Variants in PLPPR1 observed in about 807,000 individuals in gnomAD.
The protein encoded by PLPPR1 is phospholipid phosphatase related 1.
Under a neutral mutation model 33.1 loss-of-function variants are expected in PLPPR1, and 10 were observed. That is an observed-to-expected ratio of 0.30 (90% CI 0.19 to 0.51). PLPPR1 has a LOEUF of 0.51. PLPPR1 is among the 20% of genes least tolerant of loss of function. The pLI is 0.97. For missense variants in PLPPR1, 304 were observed against 408.1 expected, an observed-to-expected ratio of 0.74 and a Z score of 2.20; for synonymous variants, 151 against 151.0, an observed-to-expected ratio of 1.00 and a Z score of 0.00.
rs542240519 is a variant in PLPPR1 at position 101,207,479 on chromosome 9, T to C, written c.63+21922T>C. Among the ~76,000 whole-genome samples the C allele has an allele frequency of 5.9e-5, 9 of 152,270 alleles. No individual in the cohort carries two copies. The South Asian group carries it at 1.7e-3, about 28-fold the overall frequency. On this transcript the variant is annotated intron_variant, in intron 2 of 7. Coordinates refer to ENST00000374874, the MANE Select transcript of PLPPR1 (RefSeq NM_207299.2). ...GCTCTGAACAATTGGGTATTCTTTT[T>C]TCTTAGAGCCCAGATGCATTTTTTT...
At position 101,176,008 on chromosome 9, in the gene PLPPR1, G is replaced by A. The variant is rs563176679; in HGVS notation, c.-45-9442G>A. Among the ~76,000 whole-genome samples the A allele has an allele frequency of 2.6e-4, 40 of 152,290 alleles. 2 individuals carry two copies. The highest frequency in any genetic ancestry group is 2.6e-3 in the Admixed American group (39 of 15,282). ...GAACAACATAGTAGTGACTTCTCAG[G>A]ATTTTCTTTTGCCTCAGGTGTCTCA... On this transcript the variant is annotated intron_variant, in intron 1 of 7. Coordinates refer to ENST00000374874, the MANE Select transcript of PLPPR1 (RefSeq NM_207299.2).
intron 1 of PLPPR1, among the ~76,000 whole-genome samples, chr9:101,153,513 G>C (rs1831625976): frequency 6.6e-6 from 1 of 152,260 alleles, no homozygotes; most frequent in East Asian, 1.9e-4. Context: ...CATTCAGTAT[G>C]ATATTGGCTG....
intron 2 of PLPPR1, among the ~76,000 whole-genome samples, chr9:101,228,500 A>C (rs1263738904): frequency 6.6e-6 from 1 of 152,164 alleles, no homozygotes; most frequent in Non-Finnish European, 1.5e-5. Context: ...CGGTGTAAAA[A>C]ATTTTTAAAG....
At chr9:101,292,553 A>G (rs1316085320) in intron 4 of PLPPR1, among the ~76,000 whole-genome samples, 1 of 151,550 alleles carries the variant, frequency 6.6e-6, no homozygotes, top group Non-Finnish European at 1.5e-5. Flanking sequence ...ATGGTCGGGT[A>G]ACCCACAAAG....
intron 5 of PLPPR1, among the ~76,000 whole-genome samples, chr9:101,309,675 G>C (rs1828922715): frequency 6.6e-6 from 1 of 152,048 alleles, no homozygotes; most frequent in Non-Finnish European, 1.5e-5. Context: ...ATTAGTTCTG[G>C]AATGTTTTGA....
intron 2 of PLPPR1, among the ~76,000 whole-genome samples, chr9:101,230,828 G>GTT (rs5899435): frequency 0.31 from 44,938 of 145,580 alleles, 7,442 homozygotes; most frequent in African/African-American, 0.43. Context: ...CATTATTAAA[G>GTT]TTTTTTTTTT....
intron 1 of PLPPR1, among the ~76,000 whole-genome samples, chr9:101,146,028 AT>A (rs1345334231): frequency 2.6e-5 from 4 of 152,088 alleles, no homozygotes; most frequent in Non-Finnish European, 5.9e-5. Flanking sequence ...AAGAAAAAAA[AT>A]ATTCCTTAAA....
intron 3 of PLPPR1, among the ~76,000 whole-genome samples, chr9:101,272,059 T>C (rs1016157510): frequency 4.1e-5 from 6 of 147,376 alleles, no homozygotes; most frequent in African/African-American, 1.5e-4. Flanking sequence ...AATGAAAATA[T>C]AAACTTAAGA....
intron 2 of PLPPR1, among the ~76,000 whole-genome samples, chr9:101,254,394 C>A (rs56353468): frequency 5.3e-5 from 8 of 152,158 alleles, no homozygotes; most frequent in Non-Finnish European, 1.0e-4. Context: ...CTCATGTCAC[C>A]GCTGATTTGA....
In PLPPR1 at chr9:101,268,256, TA is replaced by T. The variant is rs925412255; in HGVS notation, c.64-1616del. On this transcript the variant is annotated intron_variant, in intron 2 of 7. Transcript: ENST00000374874. Reference sequence around the variant, plus strand: ...CCCTAAAGTAAAATAAAAATATACATAAAAAAAATAAAATCTTTGATGTGAA... The same window carrying T: ...CCCTAAAGTAAAATAAAAATATACATAAAAAAATAAAATCTTTGATGTGAA... Among the ~76,000 whole-genome samples the T allele has an allele frequency of 2.1e-4, 28 of 132,740 alleles. No individual in the cohort carries two copies. The East Asian group carries it at 2.7e-3, about 13-fold the overall frequency. 87.1% of individuals were successfully genotyped at this position (132,740 alleles called of 152,430 possible).
Position 101,198,365 on chromosome 9 carries a change from T to C in PLPPR1, c.63+12808T>C, listed in dbSNP as rs1826436369. 2.0e-5 allele frequency among the ~76,000 whole-genome samples: 3 copies of C among 152,288 alleles called. No homozygotes were observed. In the South Asian group the frequency reaches 6.2e-4, roughly 32 times the overall value. ...CCCTCGTTTCAGATAACGTAACAGGTTCATAGAGGTTAAGTAACTTGTCTA... is the reference window on the plus strand; with the variant it reads ...CCCTCGTTTCAGATAACGTAACAGGCTCATAGAGGTTAAGTAACTTGTCTA... On this transcript the variant is annotated intron_variant, in intron 2 of 7. Transcript: ENST00000374874.
At chr9:101,233,241 G>A (rs1827226772) in intron 2 of PLPPR1, among the ~76,000 whole-genome samples, 1 of 151,996 alleles carries the variant, frequency 6.6e-6, no homozygotes, top group South Asian at 2.1e-4. Flanking sequence ...ACATAGACAT[G>A]CCAAACTGGA....
At chr9:101,147,863 A>G (rs762554126) in intron 1 of PLPPR1, among the ~76,000 whole-genome samples, 5 of 152,210 alleles carry the variant, frequency 3.3e-5, no homozygotes, top group Non-Finnish European at 7.3e-5. Flanking sequence ...TAAGTGGCAG[A>G]AATGGAATGC....
At chr9:101,283,956 C>G (rs1461861676) in intron 3 of PLPPR1, among the ~76,000 whole-genome samples, 1 of 151,892 alleles carries the variant, frequency 6.6e-6, no homozygotes, top group Non-Finnish European at 1.5e-5. Flanking sequence ...GTTAGAATGG[C>G]TATTATCAAA....
chr9:101,220,392 C>T (rs1826904759), intron 2 of PLPPR1, among the ~76,000 whole-genome samples: 2 of 152,134 alleles, frequency 1.3e-5, no homozygotes, highest in Non-Finnish European at 1.5e-5. Flanking sequence ...GAAATTGAGG[C>T]CCTGCCAAGT....
At chr9:101,293,769 C>G (rs1828564575) in intron 4 of PLPPR1, among the ~76,000 whole-genome samples, 1 of 151,962 alleles carries the variant, frequency 6.6e-6, no homozygotes, top group African/African-American at 2.4e-5. Context: ...AACAAAGACA[C>G]AACATACCAG....
intron 2 of PLPPR1, among the ~76,000 whole-genome samples, chr9:101,265,513 G>A (rs148410445): frequency 0.011 from 1,641 of 152,284 alleles, 21 homozygotes; most frequent in African/African-American, 0.036. Flanking sequence ...AAGTGTGCCA[G>A]CTGGCACCAG....
At chr9:101,094,887 T>G (rs564823400) in intron 1 of PLPPR1, among the ~76,000 whole-genome samples, 2 of 152,274 alleles carry the variant, frequency 1.3e-5, no homozygotes, top group East Asian at 3.9e-4. Context: ...GGGGCTTCAG[T>G]CTATCTCCAT....
intron 1 of PLPPR1, among the ~76,000 whole-genome samples, chr9:101,107,984 G>T (rs1164262952): frequency 1.3e-5 from 2 of 150,020 alleles, no homozygotes; most frequent in Non-Finnish European, 3.0e-5. Flanking sequence ...CCCAGGTGAG[G>T]CAATGCCTCG....
Sources: allele counts gnomAD v4.1 joint callset (sites outside exome capture counted in the v4.1 genomes callset), GRCh38; gene constraint gnomAD v4.1.1; transcripts MANE v1.5; gene names NCBI Gene and HGNC (gene_info 2026-07-23, HGNC 2026-07-21).